Variants in CERS3 observed in about 807,000 individuals in gnomAD.
CERS3 encodes the protein ceramide synthase 3.
Under a neutral mutation model 50.3 loss-of-function variants are expected in CERS3, and 33 were observed. The ratio of observed to expected loss-of-function variants is 0.66; its 90% CI spans 0.50 to 0.88. The LOEUF (loss-of-function observed/expected upper bound fraction) is 0.88, where lower values mean the gene tolerates loss of function less well. CERS3 is among the 40% of genes least tolerant of loss of function. The pLI, the probability that CERS3 is intolerant of heterozygous loss-of-function variation, is 0.00. For missense variants in CERS3, 470 were observed against 460.3 expected, an observed-to-expected ratio of 1.02 and a Z score of -0.19; for synonymous variants, 176 against 155.2, an observed-to-expected ratio of 1.13 and a Z score of -0.99.
chr15:100,538,144 C>T (rs2142431542), intron 1 of CERS3, among the ~76,000 whole-genome samples: 1 of 152,342 alleles, frequency 6.6e-6, no homozygotes, highest in South Asian at 2.1e-4. Flanking sequence ...GTCATTTTGG[C>T]CAGCTCTGTC....
rs117082721 is a variant in CERS3 at position 100,509,890 on chromosome 15, A to T, written c.-1-8040T>A. 4.6e-4 allele frequency among the ~76,000 whole-genome samples: 70 copies of T among 152,280 alleles called. No homozygotes were observed. In the East Asian group the frequency reaches 9.4e-3, roughly 21 times the overall value. ...ATGCTTCAGCCAATAATAAAATCTG[A>T]TTTAATTATCTAAAAACAACTTCAT... On this transcript the variant is annotated intron_variant, in intron 2 of 11. Transcript: ENST00000679737.
At chr15:100,411,409 G>A (rs766845320) in intron 11 of CERS3, among the ~76,000 whole-genome samples, 4 of 152,200 alleles carry the variant, frequency 2.6e-5, no homozygotes, top group Non-Finnish European at 4.4e-5. Flanking sequence ...TGATCCACCC[G>A]CCTCGGGCTC....
At chr15:100,501,602 T>A (rs2035999540) in intron 3 of CERS3, 75 bp downstream of exon 3, 3 of 1,285,904 alleles carry the variant, frequency 2.3e-6, no homozygotes, top group African/African-American at 3.0e-5. Flanking sequence ...AGGATCTCAC[T>A]AAGCCTAAGA....
At chr15:100,511,536 C>T (rs1410922306) in intron 2 of CERS3, among the ~76,000 whole-genome samples, 1 of 146,114 alleles carries the variant, frequency 6.8e-6, no homozygotes, top group African/African-American at 2.5e-5. Flanking sequence ...CATTAACAGT[C>T]TGTTACATGC....
chr15:100,485,707 T>C (rs1407469034), intron 4 of CERS3, among the ~76,000 whole-genome samples: 1 of 151,822 alleles, frequency 6.6e-6, no homozygotes, highest in Admixed American at 6.6e-5. Flanking sequence ...CTACTAAAAA[T>C]ACAAAAATTA....
At chr15:100,530,768 A>AG (rs1360165733), upstream of CERS3, among the ~76,000 whole-genome samples, 1 of 152,184 alleles carries the variant, frequency 6.6e-6, no homozygotes, top group East Asian at 1.9e-4. Flanking sequence ...TCTTACTCAG[A>AG]ATTAAACAAG....
intron 2 of CERS3, among the ~76,000 whole-genome samples, chr15:100,509,656 T>C (rs2036282713): frequency 6.6e-6 from 1 of 152,154 alleles, no homozygotes; most frequent in Non-Finnish European, 1.5e-5. Context: ...GGCAAGAGCT[T>C]TTGAAGGTCA....
intron 5 of CERS3, among the ~76,000 whole-genome samples, chr15:100,481,673 C>G (rs1416449390): frequency 6.6e-6 from 1 of 152,240 alleles, no homozygotes; most frequent in African/African-American, 2.4e-5. Context: ...TTCTTACAGA[C>G]TGTTGCTAAC....
chr15:100,476,261 C>T (rs2035123792), intron 7 of CERS3, 83 bp from the exon 8 acceptor site: 1 of 698,182 alleles, frequency 1.4e-6, no homozygotes, highest in Non-Finnish European at 2.4e-6. Context: ...CCTTTTATAC[C>T]TATTTATATC....
At chr15:100,539,128 C>T (rs1370769964) in intron 1 of CERS3, among the ~76,000 whole-genome samples, 1 of 152,190 alleles carries the variant, frequency 6.6e-6, no homozygotes, top group Non-Finnish European at 1.5e-5. Flanking sequence ...CCAAGAAGTT[C>T]CTTATCTCCA....
At chr15:100,496,954 A>G (rs2035833880) in intron 3 of CERS3, among the ~76,000 whole-genome samples, 1 of 152,186 alleles carries the variant, frequency 6.6e-6, no homozygotes, top group Non-Finnish European at 1.5e-5. Context: ...ATGGCCCCTA[A>G]ATTTCAGAGA....
chr15:100,455,447 T>G (rs576590829), intron 11 of CERS3, among the ~76,000 whole-genome samples: 61 of 152,236 alleles, frequency 4.0e-4, no homozygotes, highest in African/African-American at 1.4e-3. Context: ...TCAAAATAGC[T>G]GGAAGAGAGG....
chr15:100,425,125 C>A (rs1213320622), intron 11 of CERS3, among the ~76,000 whole-genome samples: 3 of 152,166 alleles, frequency 2.0e-5, no homozygotes, highest in African/African-American at 7.2e-5. Flanking sequence ...CAGAAATCTG[C>A]CGAAGGGGTG....
Position 100,455,720 on chromosome 15 carries a change from A to G in CERS3, c.999+173T>C, listed in dbSNP as rs12050655. 0.49 allele frequency among the ~76,000 whole-genome samples: 74,791 copies of G among 151,940 alleles called. 18,763 individuals carry two copies. The highest frequency in any genetic ancestry group is 0.54 in the Non-Finnish European group (36,991 of 67,932). On this transcript the variant is annotated intron_variant, in intron 11 of 11. Coordinates refer to ENST00000679737, the MANE Select transcript of CERS3 (RefSeq NM_001378789.1). The stretch of plus-strand genomic sequence containing the variant: ...GCAATTTCTTAAAAGCACCTTAAAG[A>G]CCTACTTATGAAAAATCTAGCTCTA...
chr15:100,433,235 CAAA>C (rs5814963), intron 11 of CERS3, among the ~76,000 whole-genome samples: 7 of 98,382 alleles, frequency 7.1e-5, no homozygotes, highest in African/African-American at 7.0e-5. Context: ...GACTCTGTCT[CAAA>C]AAAAAAAAAA....
intron 1 of CERS3, among the ~76,000 whole-genome samples, chr15:100,535,755 A>C (rs1424030843): frequency 6.9e-6 from 1 of 145,562 alleles, no homozygotes; most frequent in Non-Finnish European, 1.5e-5. Flanking sequence ...GGAAGTGGGG[A>C]CATCCCTATG....
chr15:100,516,634 G>A (rs1034399024), intron 2 of CERS3, among the ~76,000 whole-genome samples: 3 of 152,196 alleles, frequency 2.0e-5, no homozygotes, highest in African/African-American at 7.2e-5. Flanking sequence ...ATTCCCCAGA[G>A]AGAGAAATGG....
chr15:100,433,055 T>C (rs184272273), intron 11 of CERS3, among the ~76,000 whole-genome samples: 8 of 152,004 alleles, frequency 5.3e-5, no homozygotes, highest in African/African-American at 1.9e-4. Context: ...GCTAACACGG[T>C]GAAACCCCAT....
chr15:100,509,166 T>C (rs577701037), intron 2 of CERS3, among the ~76,000 whole-genome samples: 178 of 152,334 alleles, frequency 1.2e-3, no homozygotes, highest in Non-Finnish European at 1.9e-3. Flanking sequence ...CTCGTGGGTA[T>C]AGAACCCAAT....
Sources: gnomAD v4.1 joint callset for allele counts (sites outside exome capture counted in the v4.1 genomes callset) on GRCh38, gnomAD v4.1.1 for gene constraint, MANE v1.5 for transcripts, NCBI Gene and HGNC (gene_info 2026-07-23, HGNC 2026-07-21) for gene names.